The following ATP9A variants were observed in gnomAD, a reference collection of about 807,000 sequenced individuals.
The protein encoded by ATP9A is ATPase phospholipid transporting 9A, also known as probable phospholipid-transporting ATPase IIA.
A neutral mutation model predicts 144.1 loss-of-function variants in ATP9A; 52 were observed. That is an observed-to-expected ratio of 0.36 (90% CI 0.29 to 0.45). The LOEUF is 0.45. Ranked by LOEUF, ATP9A falls within the 20% of genes least tolerant of loss-of-function variation. The probability of loss-of-function intolerance (pLI) is 1.00; values close to 1 mark genes in which losing one functional copy is unlikely to be tolerated. For synonymous variants in ATP9A, 582 were observed against 557.4 expected, an observed-to-expected ratio of 1.04 and a Z score of -0.62; for missense variants, 947 against 1,392.7, an observed-to-expected ratio of 0.68 and a Z score of 5.09.
At chr20:51,663,837 T>G (rs939278707) in intron 13 of ATP9A, among the ~76,000 whole-genome samples, 23 of 151,824 alleles carry the variant, frequency 1.5e-4, no homozygotes, top group Non-Finnish European at 3.4e-4. Context: ...CTGAACTTTG[T>G]ATCTGTTTTC....
chr20:51,605,772 A>G (rs369952727), intron 26 of ATP9A, among the ~76,000 whole-genome samples: 4 of 149,786 alleles, frequency 2.7e-5, no homozygotes, highest in African/African-American at 9.9e-5. Context: ...AATTAGCTGG[A>G]CGTGGAAGCG....
intron 3 of ATP9A, among the ~76,000 whole-genome samples, chr20:51,718,204 C>A (rs905260684): frequency 6.6e-6 from 1 of 152,020 alleles, no homozygotes; most frequent in East Asian, 1.9e-4. Context: ...GATCCCAAAT[C>A]TATAAAACAT....
rs146885213 is a variant in ATP9A, at chr20:51,697,787, T to G, written c.437-305A>C. Among the ~76,000 whole-genome samples, 3 of 152,292 alleles carry G rather than the reference T, an allele frequency of 2.0e-5. No homozygotes were observed. In the East Asian group the frequency reaches 5.8e-4, roughly 29 times the overall value. On this transcript the variant is annotated intron_variant, in intron 4 of 27. Transcript: ENST00000338821. ...GAAAGTAGTGGGGGGAAAAAAGTCT[T>G]AATTTTCAACACCACTTAACAGTGA...
intron 14 of ATP9A, among the ~76,000 whole-genome samples, chr20:51,654,877 G>A (rs2122767152): frequency 6.6e-6 from 1 of 152,290 alleles, no homozygotes; most frequent in Admixed American, 6.5e-5. Context: ...CAAGTGTGGA[G>A]CTGGATCCCG....
Position 51,617,553 on chromosome 20 carries a change from C to G in ATP9A, c.2352G>C (p.Gly784=). 1 of 1,611,316 alleles carries G rather than the reference C, an allele frequency of 6.2e-7. No homozygotes were observed. The highest frequency in any genetic ancestry group is 1.3e-5 in the African/African-American group (1 of 74,980). ...TCATGCTGACGTCATTGCCTCCGTC[C>G]CCTGCGAGCCACACAGACCAGAGAG... is the stretch of plus-strand genomic sequence containing the variant. The part of the protein sequence containing the change: ...ERTGKLTCAV[G]DGGNDVSMIQ... Residue 784 remains glycine, a splice_region_variant and synonymous_variant, in exon 22 of 28, where the codon GGG becomes GGC. Transcript: ENST00000338821.
intron 13 of ATP9A, among the ~76,000 whole-genome samples, chr20:51,660,047 G>T (rs2077404676): frequency 6.6e-6 from 1 of 152,134 alleles, no homozygotes; most frequent in Admixed American, 6.5e-5. Flanking sequence ...TTACAGAAAG[G>T]TTCTCTATTG....
chr20:51,756,627 G>A (rs149069575), intron 1 of ATP9A, among the ~76,000 whole-genome samples: 39 of 152,064 alleles, frequency 2.6e-4, no homozygotes, highest in Admixed American at 3.9e-4. Flanking sequence ...TAAGGTCACC[G>A]GGCTGGATGG....
intron 1 of ATP9A, among the ~76,000 whole-genome samples, chr20:51,761,755 G>T (rs1200486822): frequency 6.7e-6 from 1 of 148,150 alleles, no homozygotes; most frequent in African/African-American, 2.5e-5. Context: ...GCGAGACTCC[G>T]CCTCAAAAAA....
intron 1 of ATP9A, among the ~76,000 whole-genome samples, chr20:51,746,741 AG>A (rs1245820580): frequency 1.3e-5 from 2 of 152,250 alleles, no homozygotes; most frequent in Admixed American, 6.5e-5. Flanking sequence ...CAGGAGGCTG[AG>A]GAAGGAGAAT....
intron 13 of ATP9A, among the ~76,000 whole-genome samples, chr20:51,664,815 G>A (rs1246889989): frequency 6.6e-6 from 1 of 151,654 alleles, no homozygotes; most frequent in Non-Finnish European, 1.5e-5. Context: ...CACCTGCCGG[G>A]TTCAAGCTAT....
intron 9 of ATP9A, among the ~76,000 whole-genome samples, chr20:51,685,844 G>T (rs1171953122): frequency 6.6e-6 from 1 of 152,124 alleles, no homozygotes; most frequent in African/African-American, 2.4e-5. Flanking sequence ...AATACCATTT[G>T]ACCCAGCCAT....
intron 26 of ATP9A, among the ~76,000 whole-genome samples, chr20:51,606,973 G>T (rs904037736): frequency 1.3e-5 from 2 of 150,438 alleles, no homozygotes; most frequent in African/African-American, 4.9e-5. Flanking sequence ...CATAAAAATA[G>T]AAATACTAAA....
chr20:51,604,929 C>G lies in ATP9A; in HGVS notation c.2895G>C (p.Glu965Asp). The G allele has an allele frequency of 6.2e-7, 1 of 1,613,492 alleles. No homozygotes were observed. The highest frequency in any genetic ancestry group is 8.5e-7 in the Non-Finnish European group (1 of 1,179,708). ...AISFTSLILT[E>D]LLMVALTIQT... The stretch of plus-strand genomic sequence containing the variant: ...GGATGGTCAGCGCCACCATGAGCAG[C>G]TCGGTGAGGATCAGCGAGGTGAAGG... The change falls in exon 27 of 28, where the codon GAG (glutamate) becomes GAC (aspartate). Residue 965 changes from glutamate to aspartate, a missense_variant. By Grantham distance (45) the Glu-to-Asp change is conservative. Around this residue, in one of 2 missense-constraint regions of ATP9A, gnomAD observed 177 missense variants for 344.9 expected, o/e 0.51. Coordinates refer to ENST00000338821, the MANE Select transcript of ATP9A (RefSeq NM_006045.3).
intron 2 of ATP9A, among the ~76,000 whole-genome samples, chr20:51,728,083 C>A (rs375994977): frequency 6.6e-6 from 1 of 152,224 alleles, no homozygotes; most frequent in African/African-American, 2.4e-5. Flanking sequence ...CTAGTTTGGG[C>A]CAATAGGTAA....
chr20:51,732,848 A>G (rs2077747855), intron 1 of ATP9A, among the ~76,000 whole-genome samples: 1 of 152,002 alleles, frequency 6.6e-6, no homozygotes, highest in South Asian at 2.1e-4. Flanking sequence ...GGGAAGGAGG[A>G]GAGGAGCGAA....
At chr20:51,761,483 C>A (rs915991434) in intron 1 of ATP9A, among the ~76,000 whole-genome samples, 2 of 152,164 alleles carry the variant, frequency 1.3e-5, no homozygotes, top group African/African-American at 4.8e-5. Flanking sequence ...CAACTTTGGC[C>A]GGGCGCCGTG....
intron 3 of ATP9A, among the ~76,000 whole-genome samples, 195 bp from the exon 4 acceptor site, chr20:51,713,269 C>G (rs1192826038): frequency 6.6e-6 from 1 of 152,104 alleles, no homozygotes; most frequent in Non-Finnish European, 1.5e-5. Flanking sequence ...ACATGCACTC[C>G]CAAACACAAC....
chr20:51,726,885 AT>A (rs1319821675), intron 2 of ATP9A, among the ~76,000 whole-genome samples: 3 of 54,176 alleles, frequency 5.5e-5, no homozygotes, highest in African/African-American at 1.9e-4. Flanking sequence ...AGACTGTGTT[AT>A]TTCTTTTTTT....
intron 4 of ATP9A, among the ~76,000 whole-genome samples, chr20:51,712,725 A>T (rs2077644988): frequency 6.6e-6 from 1 of 152,218 alleles, no homozygotes; most frequent in African/African-American, 2.4e-5. Flanking sequence ...GGTTTATGAC[A>T]CATAAGTTAT....
Sources: gnomAD v4.1 joint callset for allele counts (sites outside exome capture counted in the v4.1 genomes callset) on GRCh38, gnomAD v4.1.1 for gene constraint, gnomAD v4.1.1 regional missense constraint, MANE v1.5 for transcripts, NCBI Gene and HGNC (gene_info 2026-07-23, HGNC 2026-07-21) for gene names.